Variants in GPC5 observed in about 807,000 individuals in gnomAD.
The protein encoded by GPC5 is glypican 5, also known as glypican-5.
GPC5 carries 47 observed loss-of-function variants against 53.9 expected under a neutral mutation model. The ratio of observed to expected loss-of-function variants is 0.87; its 90% confidence interval spans 0.69 to 1.11. The LOEUF (loss-of-function observed/expected upper bound fraction) is 1.11, where lower values mean the gene tolerates loss of function less well. GPC5 is among the 50% of genes most tolerant of loss of function. GPC5 has a pLI of 0.00. For synonymous variants in GPC5, 286 were observed against 263.3 expected (o/e 1.09, Z -0.84); for missense variants, 748 against 713.1 (o/e 1.05, Z -0.56).
intron 6 of GPC5, among the ~76,000 whole-genome samples, chr13:92,076,248 T>C (rs1454386607): frequency 6.6e-6 from 1 of 151,986 alleles, no homozygotes; most frequent in Non-Finnish European, 1.5e-5. Flanking sequence ...TTATTTTTTA[T>C]TTTTTGTATT....
chr13:91,728,580 CGTT>C lies in GPC5; in HGVS notation c.1073_1075del (p.Cys358del), dbSNP rs2036626065. The C allele has an allele frequency of 1.2e-6, 2 of 1,612,688 alleles. No homozygotes were observed. Among genetic ancestry groups the C allele is most frequent in the Non-Finnish European group, 1.7e-6 (2 of 1,179,062 alleles). ...TGTAAGAACACCCACACAAAGCCCC[CGTT>C]GTTCTTTTGATCAGAGCAAAGAGAA... On this transcript the variant is annotated inframe_deletion, in exon 4 of 8. Transcript: ENST00000377067.
At chr13:92,145,034 G>T in intron 7 of GPC5, 45 bp downstream of exon 7, 4 of 1,292,746 alleles carry the variant, frequency 3.1e-6, no homozygotes, top group Non-Finnish European at 4.0e-6. Context: ...CAATGATTTT[G>T]AAATATAATT....
At chr13:92,119,187 C>A (rs577441035) in intron 6 of GPC5, among the ~76,000 whole-genome samples, 86 of 152,066 alleles carry the variant, frequency 5.7e-4, no homozygotes, top group Middle Eastern at 3.4e-3. Context: ...AGGGGAACTC[C>A]CCTTTATAAA....
chr13:91,938,837 C>T (rs973526210), intron 6 of GPC5, among the ~76,000 whole-genome samples: 1 of 152,084 alleles, frequency 6.6e-6, no homozygotes, highest in Non-Finnish European at 1.5e-5. Flanking sequence ...GGGCAAAAGA[C>T]AGATGCTTTA....
intron 7 of GPC5, among the ~76,000 whole-genome samples, chr13:92,185,693 A>G (rs2042179088): frequency 6.6e-6 from 1 of 152,202 alleles, no homozygotes; most frequent in Non-Finnish European, 1.5e-5. Flanking sequence ...AAAATAGTGT[A>G]TCTTCAACTT....
intron 7 of GPC5, among the ~76,000 whole-genome samples, chr13:92,415,911 A>G (rs1166104165): frequency 6.6e-6 from 1 of 152,184 alleles, no homozygotes; most frequent in African/African-American, 2.4e-5. Context: ...TGCCAGACAC[A>G]TTTTTGTGGA....
At chr13:92,677,447 A>T (rs562526522) in intron 7 of GPC5, among the ~76,000 whole-genome samples, 3 of 152,348 alleles carry the variant, frequency 2.0e-5, no homozygotes, top group Admixed American at 2.0e-4. Flanking sequence ...TCAACAAGTT[A>T]GTTAAACACA....
At chr13:92,575,700 C>A (rs1883169578) in intron 7 of GPC5, among the ~76,000 whole-genome samples, 1 of 152,160 alleles carries the variant, frequency 6.6e-6, no homozygotes, top group African/African-American at 2.4e-5. Context: ...TTCCTCTCAG[C>A]ACTGCTGTGT....
At chr13:92,785,014 C>T (rs1225706295) in intron 7 of GPC5, among the ~76,000 whole-genome samples, 3 of 152,116 alleles carry the variant, frequency 2.0e-5, no homozygotes, top group African/African-American at 7.2e-5. Flanking sequence ...TGGTGGCTCA[C>T]GCCTGTAATC....
intron 6 of GPC5, among the ~76,000 whole-genome samples, chr13:92,020,998 G>C (rs2040753171): frequency 6.6e-6 from 1 of 151,986 alleles, no homozygotes; most frequent in South Asian, 2.1e-4. Flanking sequence ...TGATTTTTGT[G>C]TACGCCATAA....
chr13:92,608,534 A>C (rs1884330342), intron 7 of GPC5, among the ~76,000 whole-genome samples: 1 of 152,214 alleles, frequency 6.6e-6, no homozygotes, highest in African/African-American at 2.4e-5. Flanking sequence ...ACTTAAATGC[A>C]TGTAAGGGGA....
intron 7 of GPC5, among the ~76,000 whole-genome samples, chr13:92,633,010 C>A (rs1199104649): frequency 6.6e-6 from 1 of 152,132 alleles, no homozygotes; most frequent in African/African-American, 2.4e-5. Context: ...CCTGCCTCAG[C>A]CTCCTGAGTA....
At chr13:91,584,163 A>G (rs1026921765) in intron 2 of GPC5, among the ~76,000 whole-genome samples, 1 of 152,200 alleles carries the variant, frequency 6.6e-6, no homozygotes, top group African/African-American at 2.4e-5. Flanking sequence ...CCAGTCCTGA[A>G]GACACCCTGA....
intron 7 of GPC5, among the ~76,000 whole-genome samples, chr13:92,254,978 C>A (rs2042717474): frequency 1.3e-5 from 2 of 152,018 alleles, no homozygotes; most frequent in South Asian, 4.1e-4. Context: ...AAAAAGACCC[C>A]AAAATAATAA....
intron 7 of GPC5, among the ~76,000 whole-genome samples, chr13:92,667,300 G>A (rs1416230403): frequency 2.6e-5 from 4 of 152,074 alleles, no homozygotes; most frequent in Non-Finnish European, 4.4e-5. Flanking sequence ...TCTAGAGAGG[G>A]AGACGAATTG....
At chr13:92,643,262 C>A (rs1885654027) in intron 7 of GPC5, among the ~76,000 whole-genome samples, 1 of 152,094 alleles carries the variant, frequency 6.6e-6, no homozygotes, top group African/African-American at 2.4e-5. Context: ...TCTTTTGTTG[C>A]CATTGCTTTT....
intron 7 of GPC5, among the ~76,000 whole-genome samples, chr13:92,625,432 C>T (rs935975076): frequency 1.3e-5 from 2 of 152,076 alleles, no homozygotes; most frequent in African/African-American, 4.8e-5. Flanking sequence ...TGATGAAATA[C>T]TTTTAGGAAA....
chr13:92,702,544 A>T (rs9516124), intron 7 of GPC5, among the ~76,000 whole-genome samples: 4 of 151,732 alleles, frequency 2.6e-5, no homozygotes, highest in Non-Finnish European at 5.9e-5. Flanking sequence ...AGAAATCCAT[A>T]AGGAAATCCT....
intron 7 of GPC5, among the ~76,000 whole-genome samples, chr13:92,395,282 G>A (rs9561034): frequency 0.032 from 4,832 of 151,688 alleles, 135 homozygotes; most frequent in East Asian, 0.15. Flanking sequence ...TTATTTTTAC[G>A]GTTGTCCTAG....
Sources: allele counts gnomAD v4.1 joint callset (sites outside exome capture counted in the v4.1 genomes callset), GRCh38; gene constraint gnomAD v4.1.1; transcripts MANE v1.5; gene names NCBI Gene and HGNC (gene_info 2026-07-23, HGNC 2026-07-21).